SOX6: variants seen among roughly 807,000 people sequenced by gnomAD.
The protein encoded by SOX6 is transcription factor SOX-6.
Under a neutral mutation model 97.8 loss-of-function variants are expected in SOX6, and 11 were observed. The ratio of observed to expected loss-of-function variants is 0.11; its 90% CI spans 0.07 to 0.19. The LOEUF is 0.19. SOX6 is among the 10% of genes least tolerant of loss of function. SOX6 has a pLI of 1.00. For missense variants in SOX6, 810 were observed against 1,039.5 expected (o/e 0.78, Z 3.04); for synonymous variants, 360 against 371.4 (o/e 0.97, Z 0.35).
In SOX6 at chr11:16,610,468, G is replaced by A. The variant is rs1848383456; in HGVS notation, n.609+1613C>T. On this transcript the variant is annotated intron_variant and non_coding_transcript_variant, in intron 4 of 5. Transcript: ENST00000524520. The surrounding 1 kb of genome is among the most constrained non-coding windows in gnomAD (Gnocchi z 4.4). ...TGCCGACCAGATGCAGGCCGCTAGC[G>A]GGAGGCAAGAAGGAAAAGAAGGAGA... Among the ~76,000 whole-genome samples the A allele has an allele frequency of 2.6e-5, 4 of 152,182 alleles. No homozygotes were observed. The South Asian group carries it at 8.3e-4, about 31-fold the overall frequency.
chr11:16,552,538 T>C (rs903010188), intron 4 of SOX6, among the ~76,000 whole-genome samples: 1 of 152,208 alleles, frequency 6.6e-6, no homozygotes, highest in African/African-American at 2.4e-5. Context: ...CAAACATTTA[T>C]TGCATCCAGC....
At chr11:16,015,276 C>G (rs915394943) in intron 12 of SOX6, 1 of 567,144 alleles carries the variant, frequency 1.8e-6, no homozygotes, top group Non-Finnish European at 3.1e-6. Flanking sequence ...AAAGCTGTGA[C>G]AGGGAACCTG....
At chr11:16,203,711 A>C (rs533686529) in intron 4 of SOX6, among the ~76,000 whole-genome samples, 1 of 152,282 alleles carries the variant, frequency 6.6e-6, no homozygotes, top group African/African-American at 2.4e-5. Context: ...AATCAAGAGC[A>C]GCTTAGAACA....
At chr11:16,704,683 T>C (rs1848118812) in intron 3 of SOX6, among the ~76,000 whole-genome samples, 1 of 152,142 alleles carries the variant, frequency 6.6e-6, no homozygotes, top group Non-Finnish European at 1.5e-5. Flanking sequence ...CTATAGAATG[T>C]CCAAATTCAA....
At chr11:16,054,177 T>G (rs2133919079) in intron 10 of SOX6, among the ~76,000 whole-genome samples, 1 of 152,202 alleles carries the variant, frequency 6.6e-6, no homozygotes, top group Admixed American at 6.5e-5. Context: ...AAAGACTTGG[T>G]TTGGTGCAGT....
chr11:15,996,009 C>A (rs1054239366), intron 13 of SOX6, among the ~76,000 whole-genome samples: 1 of 151,998 alleles, frequency 6.6e-6, no homozygotes, highest in East Asian at 1.9e-4. Context: ...TCAATAAAAA[C>A]CAGATATACA....
At chr11:16,294,143 C>T (rs1362938293) in intron 3 of SOX6, among the ~76,000 whole-genome samples, 3 of 151,982 alleles carry the variant, frequency 2.0e-5, no homozygotes, top group Non-Finnish European at 4.4e-5. Context: ...TTCAAATAAG[C>T]ATGGCCATAT....
intron 12 of SOX6, among the ~76,000 whole-genome samples, chr11:16,044,596 A>T (rs1280380808): frequency 1.3e-5 from 2 of 152,190 alleles, no homozygotes; most frequent in African/African-American, 2.4e-5. Context: ...GGAATCCATT[A>T]GTGCTGTCCT....
chr11:16,330,004 T>C (rs1856235888), intron 2 of SOX6, among the ~76,000 whole-genome samples: 1 of 152,218 alleles, frequency 6.6e-6, no homozygotes, highest in Non-Finnish European at 1.5e-5. Context: ...CCTTTTTCCT[T>C]CATTTCTTCT....
intron 3 of SOX6, among the ~76,000 whole-genome samples, chr11:16,277,887 C>A (rs1162333712): frequency 1.3e-5 from 2 of 152,142 alleles, no homozygotes; most frequent in African/African-American, 4.8e-5. Flanking sequence ...ACTTTGTGGC[C>A]TTGGTTAGGC....
intron 4 of SOX6, among the ~76,000 whole-genome samples, chr11:16,593,211 ACATTAAATAGAG>A (rs1848174113): frequency 6.6e-6 from 1 of 152,228 alleles, no homozygotes; most frequent in Non-Finnish European, 1.5e-5. Context: ...GGTTTAAAGC[ACATTAAATAGAG>A]CTGATAAGAA....
At chr11:16,522,570 A>C (rs1861085996) in intron 4 of SOX6, among the ~76,000 whole-genome samples, 1 of 152,174 alleles carries the variant, frequency 6.6e-6, no homozygotes, top group Admixed American at 6.5e-5. Context: ...AAACTGCATC[A>C]ACTAACGAGC....
chr11:16,544,476 T>C (rs962854008), intron 4 of SOX6, among the ~76,000 whole-genome samples: 1 of 152,060 alleles, frequency 6.6e-6, no homozygotes, highest in African/African-American at 2.4e-5. Context: ...ACTAGGCTGG[T>C]CTCAAACTCC....
intron 4 of SOX6, among the ~76,000 whole-genome samples, chr11:16,540,278 T>A (rs1203224514): frequency 1.3e-5 from 2 of 152,174 alleles, no homozygotes; most frequent in African/African-American, 2.4e-5. Context: ...CAGCCCTTCA[T>A]GCTAAAAACT....
At chr11:16,319,052 T>C (rs1855832271) in intron 2 of SOX6, among the ~76,000 whole-genome samples, 1 of 152,156 alleles carries the variant, frequency 6.6e-6, no homozygotes, top group Admixed American at 6.6e-5. Flanking sequence ...ACACTTTTAG[T>C]ATCAACACTC....
At chr11:16,488,463 T>C (rs187617548) in intron 4 of SOX6, among the ~76,000 whole-genome samples, 21 of 152,312 alleles carry the variant, frequency 1.4e-4, no homozygotes, top group Admixed American at 1.2e-3. Flanking sequence ...GGGTATGCCT[T>C]CCATAAATGT....
At chr11:16,350,271 G>A (rs1856905390) in intron 1 of SOX6, among the ~76,000 whole-genome samples, 1 of 152,176 alleles carries the variant, frequency 6.6e-6, no homozygotes, top group African/African-American at 2.4e-5. Context: ...GACATTGGTT[G>A]AACATCGGTG....
At chr11:16,153,291 A>T (rs565484206) in intron 6 of SOX6, among the ~76,000 whole-genome samples, 3 of 152,272 alleles carry the variant, frequency 2.0e-5, no homozygotes, top group Admixed American at 6.5e-5. Context: ...TACAGGCAGG[A>T]GTCACTGCAC....
chr11:16,399,345 A>T (rs994318481), intron 1 of SOX6, among the ~76,000 whole-genome samples: 3 of 143,860 alleles, frequency 2.1e-5, no homozygotes, highest in African/African-American at 8.5e-5. Context: ...GTTTTATATT[A>T]TTTTTATTTT....
Sources: allele counts gnomAD v4.1 joint callset (sites outside exome capture counted in the v4.1 genomes callset), GRCh38; gene constraint gnomAD v4.1.1; non-coding constraint Gnocchi (gnomAD v3.1); transcripts MANE v1.5; gene names NCBI Gene and HGNC (gene_info 2026-07-23, HGNC 2026-07-21).